Variants in CLEC5A observed in about 807,000 individuals in gnomAD.
CLEC5A encodes the protein C-type lectin domain containing 5A.
A neutral mutation model predicts 24.4 loss-of-function variants in CLEC5A; 15 were observed. The ratio of observed to expected loss-of-function variants is 0.62; its 90% CI spans 0.41 to 0.95. The LOEUF (loss-of-function observed/expected upper bound fraction) is 0.95. Ranked by LOEUF, CLEC5A falls within the 40% of genes least tolerant of loss-of-function variation. CLEC5A has a pLI of 0.00. For synonymous variants in CLEC5A, 71 were observed against 72.6 expected (o/e 0.98, Z 0.11); for missense variants, 211 against 224.0 (o/e 0.94, Z 0.37).
chr7:141,930,646 C>A (rs550192884), intron 6 of CLEC5A, among the ~76,000 whole-genome samples: 1 of 152,182 alleles, frequency 6.6e-6, no homozygotes, highest in Non-Finnish European at 1.5e-5. Flanking sequence ...ACCATAGTGG[C>A]CTCAGAAAAA....
chr7:141,935,972 G>A, intron 4 of CLEC5A, 22 bp from the exon 5 acceptor site: 1 of 1,608,020 alleles, frequency 6.2e-7, no homozygotes, highest in Non-Finnish European at 8.5e-7. Flanking sequence ...CAAGAAAGGA[G>A]AGTACGAGTT....
chr7:141,939,881 G>T (rs750885489), intron 4 of CLEC5A, among the ~76,000 whole-genome samples: 2 of 152,028 alleles, frequency 1.3e-5, no homozygotes, highest in Admixed American at 6.6e-5. Flanking sequence ...TTCAGCAAGA[G>T]AATATAACAA....
chr7:141,939,349 A>T (rs1554441416), intron 4 of CLEC5A, among the ~76,000 whole-genome samples: 1 of 152,190 alleles, frequency 6.6e-6, no homozygotes, highest in Non-Finnish European at 1.5e-5. Context: ...AGCAGAGTTA[A>T]GTTGTTATCA....
rs782787233 is a variant in CLEC5A at position 141,946,401 on chromosome 7, C to T, written c.-20-89G>A. On this transcript the variant is annotated intron_variant, in intron 1 of 6. Coordinates refer to ENST00000546910, the MANE Select transcript of CLEC5A (RefSeq NM_013252.3). ...ATCCCAGCCTCTCGCTCAGAGTACC[C>T]AAAGCAAGGCAGGCTTGGAAGACAG... 5 of 1,185,842 alleles carry T rather than the reference C, an allele frequency of 4.2e-6. No individual in the cohort carries two copies. In the Admixed American group the frequency reaches 9.2e-5, roughly 22 times the overall value. The allele number at this position is 1,185,842 out of a possible 1,614,324, so 73.5% of individuals were successfully genotyped here. A position where few individuals can be genotyped will look rare whatever the true frequency, so the allele number is the denominator to read the frequency against.
At chr7:141,942,850 A>C (rs1802839063) in intron 4 of CLEC5A, among the ~76,000 whole-genome samples, 1 of 152,234 alleles carries the variant, frequency 6.6e-6, no homozygotes, top group Non-Finnish European at 1.5e-5. Context: ...TCCTCATTAT[A>C]GAATTTCAAA....
intron 2 of CLEC5A, 104 bp from the exon 3 acceptor site, chr7:141,945,504 T>C: frequency 2.5e-6 from 2 of 793,524 alleles, no homozygotes; most frequent in Non-Finnish European, 4.5e-6. Context: ...TGACTATTAG[T>C]GGGAAATACT....
At chr7:141,931,500 A>G (rs1453245185) in intron 6 of CLEC5A, 5 of 528,114 alleles carry the variant, frequency 9.5e-6, no homozygotes, top group Admixed American at 3.6e-5. Flanking sequence ...ATAATTTGCT[A>G]TATGAATACT....
At chr7:141,930,663 G>A (rs1802432641) in intron 6 of CLEC5A, among the ~76,000 whole-genome samples, 1 of 152,200 alleles carries the variant, frequency 6.6e-6, no homozygotes, top group South Asian at 2.1e-4. Context: ...AAAACTTGGT[G>A]GAGGTATTTG....
chr7:141,942,826 G>A (rs116169413), intron 4 of CLEC5A, among the ~76,000 whole-genome samples: 1 of 152,096 alleles, frequency 6.6e-6, no homozygotes, highest in East Asian at 1.9e-4. Context: ...ATATAAAAAG[G>A]TGCTCAACAC....
intron 4 of CLEC5A, 123 bp from the exon 5 acceptor site, chr7:141,936,073 T>G: frequency 1.2e-6 from 1 of 808,582 alleles, no homozygotes; most frequent in Non-Finnish European, 2.0e-6. Flanking sequence ...GTAAAAATTA[T>G]TCTCCATCCA....
At chr7:141,943,665 G>A (rs964157608) in intron 4 of CLEC5A, among the ~76,000 whole-genome samples, 2 of 151,964 alleles carry the variant, frequency 1.3e-5, no homozygotes, top group Non-Finnish European at 2.9e-5. Flanking sequence ...CATATTGCAT[G>A]CCTTTATCAA....
chr7:141,934,409 C>G (rs1802553578), intron 5 of CLEC5A, among the ~76,000 whole-genome samples: 1 of 152,106 alleles, frequency 6.6e-6, no homozygotes. Flanking sequence ...GACATGAGTA[C>G]TCACCAGTAT....
intron 5 of CLEC5A, among the ~76,000 whole-genome samples, chr7:141,933,615 T>TATAC (rs1178987342): frequency 1.2e-4 from 14 of 121,168 alleles, no homozygotes; most frequent in African/African-American, 4.4e-4. Flanking sequence ...TATATATATA[T>TATAC]ACTTGTTATA....
intron 6 of CLEC5A, among the ~76,000 whole-genome samples, chr7:141,930,990 C>G (rs2128960115): frequency 6.6e-6 from 1 of 152,248 alleles, no homozygotes; most frequent in South Asian, 2.1e-4. Flanking sequence ...CTGACTTGAC[C>G]TCTGTCTGAA....
chr7:141,933,046 G>A (rs190006828), intron 5 of CLEC5A, among the ~76,000 whole-genome samples: 1 of 152,140 alleles, frequency 6.6e-6, no homozygotes, highest in Non-Finnish European at 1.5e-5. Flanking sequence ...CTGGGAAGGG[G>A]TACATAGATT....
chr7:141,936,346 T>C (rs985737584), intron 4 of CLEC5A: 1 of 264,178 alleles, frequency 3.8e-6, no homozygotes, highest in Non-Finnish European at 7.3e-6. Context: ...CCCCACCCTA[T>C]CCCTGCTGCA....
chr7:141,935,220 CAGAG>C (rs1802584170), intron 5 of CLEC5A, among the ~76,000 whole-genome samples: 1 of 152,150 alleles, frequency 6.6e-6, no homozygotes, highest in Non-Finnish European at 1.5e-5. Context: ...GTTTTGGAGT[CAGAG>C]AGTTCTGAAT....
At chr7:141,931,951 T>C (rs975698263) in intron 5 of CLEC5A, 125 bp from the exon 6 acceptor site, 6 of 543,658 alleles carry the variant, frequency 1.1e-5, no homozygotes, top group Non-Finnish European at 1.9e-5. Flanking sequence ...GGACCAGCTA[T>C]AGCTGGGACT....
Position 141,928,559 on chromosome 7 carries a change from A to T in CLEC5A, c.*1545T>A, listed in dbSNP as rs1253818326. 1.3e-5 allele frequency: 2 copies of T among 152,130 alleles called. No individual in the cohort carries two copies. Among genetic ancestry groups the T allele is most frequent in the African/African-American group, 4.8e-5 (2 of 41,428 alleles). 9.4% of individuals were successfully genotyped at this position (152,130 alleles called of 1,614,324 possible). A position where few individuals can be genotyped will look rare whatever the true frequency, so the allele number is the denominator to read the frequency against. On this transcript the variant is annotated 3_prime_UTR_variant, in exon 7 of 7. Coordinates refer to ENST00000546910, the MANE Select transcript of CLEC5A (RefSeq NM_013252.3). ...CTAATATAATTCCAATTTCCACCCC[A>T]TCTCAAACACAAATTACTTCTGGTA...
Sources: allele counts gnomAD v4.1 joint callset (sites outside exome capture counted in the v4.1 genomes callset), GRCh38; gene constraint gnomAD v4.1.1; transcripts MANE v1.5; gene names NCBI Gene and HGNC (gene_info 2026-07-23, HGNC 2026-07-21).